Variants in DLGAP1 observed in about 807,000 individuals in gnomAD.
DLGAP1 encodes disks large-associated protein 1.
DLGAP1 carries 11 observed loss-of-function variants against 90.8 expected under a neutral mutation model. That is an observed-to-expected ratio of 0.12 (90% confidence interval 0.08 to 0.20). The LOEUF (loss-of-function observed/expected upper bound fraction) is 0.20, where lower values mean the gene tolerates loss of function less well. Ranked by LOEUF, DLGAP1 falls within the 10% of genes least tolerant of loss-of-function variation. The pLI, the probability that DLGAP1 is intolerant of heterozygous loss-of-function variation, is 1.00. For synonymous variants in DLGAP1, 558 were observed against 540.7 expected (o/e 1.03, Z -0.44); for missense variants, 1,050 against 1,333.8 (o/e 0.79, Z 3.31).
chr18:4,305,260 C>A (rs563819292), intron 1 of DLGAP1, among the ~76,000 whole-genome samples: 1 of 151,890 alleles, frequency 6.6e-6, no homozygotes, highest in African/African-American at 2.4e-5. Context: ...ACCAGCCGGG[C>A]GTGGTGGCTC....
At chr18:3,837,694 C>CA (rs1309582837) in intron 4 of DLGAP1, among the ~76,000 whole-genome samples, 1 of 150,556 alleles carries the variant, frequency 6.6e-6, no homozygotes, top group Non-Finnish European at 1.5e-5. Context: ...ACTAAAAATA[C>CA]AAAAAAAATT....
intron 6 of DLGAP1, among the ~76,000 whole-genome samples, chr18:3,740,994 TCACCTCACCACCAC>T (rs1938130650): frequency 9.6e-5 from 5 of 52,012 alleles, no homozygotes; most frequent in South Asian, 1.7e-3. Context: ...ACCACCACCA[TCACCTCACCACCAC>T]CACCACCATC....
chr18:4,089,993 C>G (rs756179316), intron 2 of DLGAP1, among the ~76,000 whole-genome samples: 1 of 152,154 alleles, frequency 6.6e-6, no homozygotes, highest in African/African-American at 2.4e-5. Flanking sequence ...TGCAGTGAGC[C>G]AAGATCGCGC....
intron 1 of DLGAP1, among the ~76,000 whole-genome samples, chr18:4,332,384 G>T (rs574488018): frequency 1.3e-5 from 2 of 151,728 alleles, no homozygotes; most frequent in Admixed American, 1.3e-4. Flanking sequence ...AATATTTTGC[G>T]TATTATTAGG....
intron 5 of DLGAP1, among the ~76,000 whole-genome samples, chr18:3,806,672 G>GA (rs2066577235): frequency 6.6e-6 from 1 of 152,200 alleles, no homozygotes; most frequent in Non-Finnish European, 1.5e-5. Flanking sequence ...GTGGCAGACA[G>GA]AAAAGACGAA....
At chr18:3,580,189 G>T in intron 8 of DLGAP1, 1 of 1,476,096 alleles carries the variant, frequency 6.8e-7, no homozygotes. Flanking sequence ...ATTTGAGCCA[G>T]ACGTCCAAAG....
chr18:4,051,733 A>T (rs959233874), intron 2 of DLGAP1, among the ~76,000 whole-genome samples: 3 of 106,694 alleles, frequency 2.8e-5, no homozygotes, highest in African/African-American at 6.5e-5. Context: ...TAAACTCAAA[A>T]GTCCAAGTCC....
At chr18:3,774,370 T>C (rs1330655956) in intron 5 of DLGAP1, 2 of 152,246 alleles carry the variant, frequency 1.3e-5, no homozygotes, top group Non-Finnish European at 2.9e-5. Flanking sequence ...GAAGTCGTTA[T>C]GGTGTGAGTA....
In DLGAP1 at chr18:3,496,404, A is replaced by G. The variant is rs1370862757; in HGVS notation, c.*2781T>C. 6.6e-6 allele frequency: 1 copy of G among 152,222 alleles called. No homozygotes were observed. Among genetic ancestry groups the G allele is most frequent in the Non-Finnish European group, 1.5e-5 (1 of 68,032 alleles). The allele number at this position is 152,222 out of a possible 1,614,324, so 9.4% of individuals were successfully genotyped here. On this transcript the variant is annotated 3_prime_UTR_variant, in exon 13 of 13. Transcript: ENST00000315677. ...AAACATCTATAAATAACAGAAATATATTACAATAAATTAGTTCTATTTACC... is the reference window on the plus strand; with the variant it reads ...AAACATCTATAAATAACAGAAATATGTTACAATAAATTAGTTCTATTTACC...
intron 9 of DLGAP1, among the ~76,000 whole-genome samples, chr18:3,551,770 T>TC (rs1292763828): frequency 6.6e-5 from 7 of 106,742 alleles, no homozygotes; most frequent in African/African-American, 2.5e-4. Context: ...CTTCCTTCCT[T>TC]CTTTCCTTCC....
chr18:4,311,881 A>C (rs1359244751), intron 1 of DLGAP1, among the ~76,000 whole-genome samples: 1 of 152,042 alleles, frequency 6.6e-6, no homozygotes, highest in African/African-American at 2.4e-5. Flanking sequence ...ACGCCCGGCT[A>C]ATTTTTGTAG....
Position 4,121,529 on chromosome 18 carries a change from A to C in DLGAP1, c.-159+29651T>G, listed in dbSNP as rs1003991793. 2.6e-5 allele frequency among the ~76,000 whole-genome samples: 4 copies of C among 152,026 alleles called. No homozygotes were observed. The East Asian group carries it at 5.8e-4, about 22-fold the overall frequency. On this transcript the variant is annotated intron_variant, in intron 2 of 12. Coordinates refer to ENST00000315677, the MANE Select transcript of DLGAP1 (RefSeq NM_004746.4). ...GGTTCCTCATCCTCCACCATCCCCC[A>C]GGTGATGTCTGGTTATCCTGGCCTG...
chr18:3,846,090 G>T (rs79464851), intron 4 of DLGAP1, among the ~76,000 whole-genome samples: 1 of 142,744 alleles, frequency 7.0e-6, no homozygotes, highest in Non-Finnish European at 1.5e-5. Flanking sequence ...GTCTCATTTC[G>T]GGATGGGGCA....
intron 4 of DLGAP1, among the ~76,000 whole-genome samples, chr18:3,868,988 A>C (rs185441826): frequency 6.6e-6 from 1 of 152,284 alleles, no homozygotes; most frequent in East Asian, 1.9e-4. Context: ...GGTTCTCCTA[A>C]GCCAATTAAA....
chr18:4,417,652 G>GTCCA (rs2082930561), intron 1 of DLGAP1, among the ~76,000 whole-genome samples: 37 of 152,050 alleles, frequency 2.4e-4, no homozygotes, highest in Admixed American at 2.4e-3. Flanking sequence ...CAGAGTGAAG[G>GTCCA]GCAATTAACA....
At chr18:3,547,161 C>T (rs1433158802) in intron 9 of DLGAP1, among the ~76,000 whole-genome samples, 2 of 151,602 alleles carry the variant, frequency 1.3e-5, no homozygotes, top group Non-Finnish European at 2.9e-5. Context: ...ATTAGCCAGG[C>T]GTGGTGGCGG....
At chr18:4,284,090 C>T (rs940891238) in intron 1 of DLGAP1, among the ~76,000 whole-genome samples, 2 of 151,626 alleles carry the variant, frequency 1.3e-5, no homozygotes, top group African/African-American at 2.4e-5. Context: ...GATGGCTTAA[C>T]CCCAGGAGTC....
chr18:4,009,882 G>T (rs1213560743), intron 2 of DLGAP1, among the ~76,000 whole-genome samples: 1 of 152,174 alleles, frequency 6.6e-6, no homozygotes, highest in African/African-American at 2.4e-5. Flanking sequence ...GGACAGGGAG[G>T]TAGAGGAGAA....
chr18:4,331,459 G>A (rs1434046069), intron 1 of DLGAP1, among the ~76,000 whole-genome samples: 1 of 151,780 alleles, frequency 6.6e-6, no homozygotes, highest in Non-Finnish European at 1.5e-5. Context: ...AAGAGGTCAA[G>A]ATCTTCATGA....
Sources: gnomAD v4.1 joint callset for allele counts (sites outside exome capture counted in the v4.1 genomes callset) on GRCh38, gnomAD v4.1.1 for gene constraint, MANE v1.5 for transcripts, NCBI Gene and HGNC (gene_info 2026-07-23, HGNC 2026-07-21) for gene names.